Variants in RASGRP3 observed in about 807,000 individuals in gnomAD.
RASGRP3 encodes the protein RAS guanyl releasing protein 3.
In RASGRP3, 54 loss-of-function variants were observed where a neutral mutation model predicts 82.7. That is an observed-to-expected ratio of 0.65 (90% CI 0.52 to 0.82). The LOEUF (loss-of-function observed/expected upper bound fraction) is 0.82, where lower values mean the gene tolerates loss of function less well. RASGRP3 is among the 40% of genes least tolerant of loss of function. RASGRP3 has a pLI of 0.00. For synonymous variants in RASGRP3, 309 were observed against 300.5 expected (o/e 1.03, Z -0.29); for missense variants, 861 against 828.9 (o/e 1.04, Z -0.48).
chr2:33,464,110 A>AATAATAATTATTATTATT lies in RASGRP3; in HGVS notation c.-261+16169_-261+16170insAATAATTATTATTATTAT, dbSNP rs1398514920. Reference sequence around the variant, plus strand: ...AATATTCAAACTTAATAATAATAATAATTATTATTATTATTATTATTATTA... The same window carrying AATAATAATTATTATTATT: ...AATATTCAAACTTAATAATAATAATAATAATAATTATTATTATTATTATTATTATTATTATTATTATTA... On this transcript the variant is annotated intron_variant, in intron 2 of 18. Transcript: ENST00000402538. 1.0e-4 allele frequency among the ~76,000 whole-genome samples: 15 copies of AATAATAATTATTATTATT among 144,260 alleles called. No homozygotes were observed. In the Middle Eastern group the frequency reaches 0.021, roughly 206 times the overall value. 94.6% of individuals were successfully genotyped at this position (144,260 alleles called of 152,430 possible).
At chr2:33,437,368 C>A (rs1196903249) in intron 1 of RASGRP3, among the ~76,000 whole-genome samples, 1 of 152,216 alleles carries the variant, frequency 6.6e-6, no homozygotes, top group African/African-American at 2.4e-5. Context: ...ATTCTTTTAA[C>A]ATTCTTTGCC....
At chr2:33,460,948 A>G (rs1195698616) in intron 2 of RASGRP3, among the ~76,000 whole-genome samples, 1 of 152,230 alleles carries the variant, frequency 6.6e-6, no homozygotes, top group Non-Finnish European at 1.5e-5. Context: ...ATTTACAGGA[A>G]TTCAAATACC....
At chr2:33,549,370 A>G (rs968194903) in intron 13 of RASGRP3, among the ~76,000 whole-genome samples, 4 of 152,156 alleles carry the variant, frequency 2.6e-5, no homozygotes, top group Non-Finnish European at 5.9e-5. Context: ...GCTCCTGCAC[A>G]CACACACACA....
chr2:33,508,811 T>C (rs974211572), intron 1 of RASGRP3, among the ~76,000 whole-genome samples: 6 of 152,228 alleles, frequency 3.9e-5, no homozygotes, highest in African/African-American at 1.4e-4. Context: ...AGAGGAAGTT[T>C]AGTGTTCCTT....
intron 2 of RASGRP3, among the ~76,000 whole-genome samples, chr2:33,450,675 T>G (rs1027377095): frequency 5.3e-5 from 8 of 152,088 alleles, no homozygotes; most frequent in Non-Finnish European, 1.5e-5. Context: ...AATGCCACAA[T>G]GAACATGGAG....
At chr2:33,501,112 C>A (rs1669832029) in intron 1 of RASGRP3, among the ~76,000 whole-genome samples, 1 of 152,202 alleles carries the variant, frequency 6.6e-6, no homozygotes, top group African/African-American at 2.4e-5. Flanking sequence ...AACCACTAAT[C>A]TCCTTTCTGT....
At chr2:33,452,150 T>C (rs1344944582) in intron 2 of RASGRP3, among the ~76,000 whole-genome samples, 1 of 152,202 alleles carries the variant, frequency 6.6e-6, no homozygotes, top group Non-Finnish European at 1.5e-5. Context: ...GATTTAGTTA[T>C]CTGTATTCTC....
rs185108475 is a variant in RASGRP3 at position 33,549,303 on chromosome 2, A to C, written c.1395-301A>C. ...GATGTCCTTCAGGAAGCTGCTTTTC[A>C]TAATAAAGACTTTCTGTGCTGCGGT... is the stretch of plus-strand genomic sequence containing the variant. On this transcript the variant is annotated intron_variant, in intron 13 of 17. Coordinates refer to ENST00000403687, the MANE Select transcript of RASGRP3 (RefSeq NM_001139488.2). Among the ~76,000 whole-genome samples, 47 of 152,092 alleles carry C rather than the reference A, an allele frequency of 3.1e-4. No individual in the cohort carries two copies. In the East Asian group the frequency reaches 9.1e-3, roughly 29 times the overall value.
intron 1 of RASGRP3, among the ~76,000 whole-genome samples, chr2:33,488,736 T>C (rs1002574916): frequency 6.6e-6 from 1 of 152,228 alleles, no homozygotes. Context: ...ATGTTCTCAA[T>C]TATGTCAAAT....
chr2:33,541,920 T>C (rs1006942841), intron 12 of RASGRP3, among the ~76,000 whole-genome samples: 5 of 147,078 alleles, frequency 3.4e-5, no homozygotes, highest in African/African-American at 9.7e-5. Flanking sequence ...TTTGGTACTT[T>C]TATAGCTTTG....
intron 14 of RASGRP3, among the ~76,000 whole-genome samples, chr2:33,552,612 G>A (rs1199937113): frequency 2.0e-5 from 3 of 152,220 alleles, no homozygotes; most frequent in Admixed American, 1.3e-4. Flanking sequence ...AATTGTGGGA[G>A]AATGGTTCCA....
intron 11 of RASGRP3, among the ~76,000 whole-genome samples, chr2:33,535,119 C>T (rs1673474545): frequency 6.6e-6 from 1 of 152,164 alleles, no homozygotes; most frequent in Non-Finnish European, 1.5e-5. Context: ...TTAAACATCT[C>T]GATCATAATT....
intron 13 of RASGRP3, 27 bp from the exon 14 acceptor site, chr2:33,549,577 C>A: frequency 6.3e-7 from 1 of 1,596,256 alleles, no homozygotes; most frequent in South Asian, 1.1e-5. Context: ...TTTAAAGATT[C>A]CCTCCCTTCT....
rs35492768 is a variant in RASGRP3, at chr2:33,544,520, G to GAA, written c.1394+902_1394+903dup. 1.1e-3 allele frequency among the ~76,000 whole-genome samples: 159 copies of GAA among 149,142 alleles called. 4 individuals are homozygous for GAA. The South Asian group carries it at 0.027, about 25-fold the overall frequency. On this transcript the variant is annotated intron_variant, in intron 13 of 17. Coordinates refer to ENST00000403687, the MANE Select transcript of RASGRP3 (RefSeq NM_001139488.2). ...ACTCATTAAAAGAAAATAATGATCT[G>GAA]AAAAAAAAAACTGCTGAGAAATCCT...
upstream of RASGRP3, among the ~76,000 whole-genome samples, chr2:33,474,677 C>CT (rs1667253751): frequency 6.6e-6 from 1 of 152,206 alleles, no homozygotes. Flanking sequence ...GGCCATGTGA[C>CT]TCATCTGCTC....
chr2:33,498,769 C>G (rs1669573245), intron 1 of RASGRP3, among the ~76,000 whole-genome samples: 1 of 151,988 alleles, frequency 6.6e-6, no homozygotes. Context: ...TTGTTTTTAC[C>G]TCTCTCACAA....
intron 11 of RASGRP3, among the ~76,000 whole-genome samples, chr2:33,537,002 C>T (rs1434291288): frequency 6.6e-6 from 1 of 152,092 alleles, no homozygotes; most frequent in East Asian, 1.9e-4. Flanking sequence ...GCCTTTTACA[C>T]CCTACCTTCT....
chr2:33,520,760 T>C, intron 6 of RASGRP3, 76 bp downstream of exon 6: 1 of 1,566,284 alleles, frequency 6.4e-7, no homozygotes, highest in Non-Finnish European at 8.7e-7. Context: ...ACCCCACTTG[T>C]TCTGAGTCCA....
chr2:33,482,749 T>C (rs1413809262), intron 1 of RASGRP3: 1 of 152,198 alleles, frequency 6.6e-6, no homozygotes, highest in Non-Finnish European at 1.5e-5. Flanking sequence ...ATCATAAAAA[T>C]AGCAGTGCAT....
Sources: allele counts gnomAD v4.1 joint callset (sites outside exome capture counted in the v4.1 genomes callset), GRCh38; gene constraint gnomAD v4.1.1; transcripts MANE v1.5; gene names NCBI Gene and HGNC (gene_info 2026-07-23, HGNC 2026-07-21).